The following ZSCAN5A variants were observed in gnomAD, a reference collection of about 807,000 sequenced individuals.
ZSCAN5A encodes the protein zinc finger and SCAN domain containing 5A, also known as zinc finger and SCAN domain-containing protein 5A.
ZSCAN5A carries 12 observed loss-of-function variants against 23.7 expected under a neutral mutation model. That is an observed-to-expected ratio of 0.51 (90% CI 0.32 to 0.82). ZSCAN5A has a LOEUF of 0.82. Ranked by LOEUF, ZSCAN5A falls within the 40% of genes least tolerant of loss-of-function variation. ZSCAN5A has a pLI of 0.03. For synonymous variants in ZSCAN5A, 257 were observed against 239.9 expected (o/e 1.07, Z -0.66); for missense variants, 597 against 617.9 (o/e 0.97, Z 0.36).
intron 2 of ZSCAN5A, among the ~76,000 whole-genome samples, chr19:56,344,621 C>T (rs962155492): frequency 1.3e-4 from 19 of 145,302 alleles, no homozygotes; most frequent in East Asian, 4.1e-4. Context: ...AAAAAAGATA[C>T]GGCCGGGCGC....
chr19:56,287,330 A>T (rs939445394), intron 2 of ZSCAN5A, among the ~76,000 whole-genome samples: 6 of 152,320 alleles, frequency 3.9e-5, no homozygotes, highest in Admixed American at 2.0e-4. Flanking sequence ...AATGTCAGGA[A>T]CAGTCAGTCC....
chr19:56,289,445 A>G (rs1170053590), intron 2 of ZSCAN5A, among the ~76,000 whole-genome samples: 1 of 152,182 alleles, frequency 6.6e-6, no homozygotes, highest in Non-Finnish European at 1.5e-5. Flanking sequence ...TTCGGAAGAC[A>G]GACGTATTTA....
chr19:56,236,335 T>C (rs76440988), intron 2 of ZSCAN5A, among the ~76,000 whole-genome samples: 352 of 8,646 alleles, frequency 0.041, 3 homozygotes, highest in Middle Eastern at 0.17. Context: ...GTGGGCCAAG[T>C]CTCCACTCCA....
chr19:56,354,363 A>G (rs1450910976), intron 2 of ZSCAN5A: 1 of 152,108 alleles, frequency 6.6e-6, no homozygotes, highest in Non-Finnish European at 1.5e-5. Context: ...CAGGGTAAAG[A>G]TGGCCACATA....
intron 2 of ZSCAN5A, among the ~76,000 whole-genome samples, chr19:56,232,366 T>C (rs2034544968): frequency 6.6e-6 from 1 of 152,196 alleles, no homozygotes; most frequent in South Asian, 2.1e-4. Flanking sequence ...CGTAACTATT[T>C]TGAGATTCAT....
intron 2 of ZSCAN5A, among the ~76,000 whole-genome samples, chr19:56,244,632 T>G (rs1202474762): frequency 6.8e-6 from 1 of 146,308 alleles, no homozygotes; most frequent in Non-Finnish European, 1.5e-5. Flanking sequence ...CTAAGCATTC[T>G]CTAATGCTCA....
At chr19:56,250,530 C>T (rs1277936087) in intron 2 of ZSCAN5A, among the ~76,000 whole-genome samples, 1 of 152,172 alleles carries the variant, frequency 6.6e-6, no homozygotes, top group Non-Finnish European at 1.5e-5. Flanking sequence ...TCAATAGACC[C>T]TCATTTCAGT....
intron 2 of ZSCAN5A, among the ~76,000 whole-genome samples, chr19:56,249,475 T>C (rs2036192952): frequency 6.6e-6 from 1 of 152,236 alleles, no homozygotes; most frequent in Non-Finnish European, 1.5e-5. Context: ...TTTCGCCATG[T>C]TGGCCAGGCT....
At chr19:56,367,021 G>A (rs891757079) in intron 1 of ZSCAN5A, among the ~76,000 whole-genome samples, 12 of 152,130 alleles carry the variant, frequency 7.9e-5, no homozygotes, top group African/African-American at 2.7e-4. Context: ...CAACTCATAA[G>A]AGAACCCTTC....
At position 56,221,932 on chromosome 19, in the gene ZSCAN5A, G is replaced by A; in HGVS notation, c.1134C>T (p.His378=). 6.2e-7 allele frequency: 1 copy of A among 1,614,218 alleles called. No individual in the cohort carries two copies. Among genetic ancestry groups the A allele is most frequent in the Non-Finnish European group, 8.5e-7 (1 of 1,180,038 alleles). The part of the protein sequence containing the change: ...NSKLVIHKRS[H]TGERLFQCNL... ...TACATTGAAAGAGTCTCTCGCCTGTGTGTGATCTCTTGTGGATGACTAGCT... is the reference window on the plus strand; with the variant it reads ...TACATTGAAAGAGTCTCTCGCCTGTATGTGATCTCTTGTGGATGACTAGCT... Residue 378 remains histidine, a synonymous_variant, in exon 6 of 6, where the codon CAC becomes CAT. Transcript: ENST00000683990.
intron 2 of ZSCAN5A, among the ~76,000 whole-genome samples, chr19:56,309,806 C>T (rs565450757): frequency 3.6e-4 from 55 of 152,258 alleles, no homozygotes; most frequent in Non-Finnish European, 5.7e-4. Context: ...CTGGAGGGGG[C>T]GCTGCTTCCC....
intron 2 of ZSCAN5A, among the ~76,000 whole-genome samples, chr19:56,297,100 G>A (rs1348122187): frequency 6.6e-6 from 1 of 152,008 alleles, no homozygotes; most frequent in Non-Finnish European, 1.5e-5. Flanking sequence ...GGGCGATCAG[G>A]GAACATGACA....
At chr19:56,317,908 C>G (rs923655307), upstream of ZSCAN5A, 1 of 152,290 alleles carries the variant, frequency 6.6e-6, no homozygotes, top group Non-Finnish European at 1.5e-5. Flanking sequence ...CCCAAAGTTT[C>G]ATCATAGGCC....
At chr19:56,256,605 G>C (rs187334288) in intron 2 of ZSCAN5A, among the ~76,000 whole-genome samples, 171 of 152,304 alleles carry the variant, frequency 1.1e-3, no homozygotes, top group South Asian at 3.5e-3. Flanking sequence ...CCACAGACAC[G>C]TATTTTAAGA....
At chr19:56,328,322 T>C (rs545103887) in intron 2 of ZSCAN5A, among the ~76,000 whole-genome samples, 1 of 152,294 alleles carries the variant, frequency 6.6e-6, no homozygotes, top group East Asian at 1.9e-4. Context: ...TATTTTATTA[T>C]AAAATAATTT....
chr19:56,290,920 G>A (rs1335272956), intron 2 of ZSCAN5A, among the ~76,000 whole-genome samples: 1 of 152,186 alleles, frequency 6.6e-6, no homozygotes, highest in Non-Finnish European at 1.5e-5. Flanking sequence ...ACTATCCAAA[G>A]AAGGGAATCT....
chr19:56,303,217 C>A (rs1310823089), intron 2 of ZSCAN5A, among the ~76,000 whole-genome samples: 1 of 152,156 alleles, frequency 6.6e-6, no homozygotes, highest in Non-Finnish European at 1.5e-5. Flanking sequence ...CGGTGGCTCA[C>A]GCTTGTCATC....
chr19:56,359,088 A>T (rs10418348), intron 2 of ZSCAN5A, among the ~76,000 whole-genome samples: 1 of 152,106 alleles, frequency 6.6e-6, no homozygotes, highest in African/African-American at 2.4e-5. Context: ...GCACAACTGA[A>T]GAAGAAAGAG....
chr19:56,275,760 C>T (rs2038201218), intron 2 of ZSCAN5A, among the ~76,000 whole-genome samples: 2 of 152,200 alleles, frequency 1.3e-5, no homozygotes, highest in African/African-American at 4.8e-5. Context: ...ACCAGAACTT[C>T]TCTTCCCAAT....
Sources: allele counts gnomAD v4.1 joint callset (sites outside exome capture counted in the v4.1 genomes callset), GRCh38; gene constraint gnomAD v4.1.1; transcripts MANE v1.5; gene names NCBI Gene and HGNC (gene_info 2026-07-23, HGNC 2026-07-21).